GRIP1: variants seen among roughly 807,000 people sequenced by gnomAD.
The protein encoded by GRIP1 is glutamate receptor-interacting protein 1.
A neutral mutation model predicts 129.9 loss-of-function variants in GRIP1; 45 were observed. That is an observed-to-expected ratio of 0.35 (90% CI 0.27 to 0.44). GRIP1 has a LOEUF of 0.44. Ranked by LOEUF, GRIP1 falls within the 20% of genes least tolerant of loss-of-function variation. The pLI, the probability that GRIP1 is intolerant of heterozygous loss-of-function variation, is 1.00. For missense variants in GRIP1, 1,196 were observed against 1,396.8 expected (o/e 0.86, Z 2.29); for synonymous variants, 530 against 520.8 (o/e 1.02, Z -0.24).
chr12:66,360,656 G>A (rs1438971336), intron 23 of GRIP1, among the ~76,000 whole-genome samples: 1 of 152,194 alleles, frequency 6.6e-6, no homozygotes, highest in African/African-American at 2.4e-5. Context: ...GGTTCACCAT[G>A]ATTCACATTC....
At chr12:66,460,121 AC>A (rs1298203295) in intron 9 of GRIP1, among the ~76,000 whole-genome samples, 2 of 152,112 alleles carry the variant, frequency 1.3e-5, no homozygotes, top group African/African-American at 4.8e-5. Flanking sequence ...CTTGCTTAAG[AC>A]CCCACGTGGT....
At chr12:66,438,733 T>C (rs2058385715) in intron 13 of GRIP1, among the ~76,000 whole-genome samples, 1 of 152,110 alleles carries the variant, frequency 6.6e-6, no homozygotes, top group African/African-American at 2.4e-5. Flanking sequence ...TGACCTCAAG[T>C]AATCCACCCG....
At chr12:66,352,007 G>T (rs2054249534) in intron 24 of GRIP1, among the ~76,000 whole-genome samples, 1 of 152,214 alleles carries the variant, frequency 6.6e-6, no homozygotes, top group Non-Finnish European at 1.5e-5. Flanking sequence ...CTAGGGATTA[G>T]AAGAGCATTC....
chr12:67,028,427 T>G (rs553048855), intron 1 of GRIP1, among the ~76,000 whole-genome samples: 2 of 152,320 alleles, frequency 1.3e-5, no homozygotes, highest in African/African-American at 4.8e-5. Context: ...ATATTTTGGA[T>G]TGAATGGATA....
At chr12:66,888,580 C>T (rs1339000634) in intron 1 of GRIP1, among the ~76,000 whole-genome samples, 6 of 152,164 alleles carry the variant, frequency 3.9e-5, no homozygotes, top group Non-Finnish European at 8.8e-5. Flanking sequence ...CCAGGCTGGT[C>T]TCAAACTCCT....
Position 66,442,211 on chromosome 12 carries a change from C to A in GRIP1, c.1687+2373G>T, listed in dbSNP as rs993338996. Reference sequence around the variant, plus strand: ...ACACTGCATTAGTCGGTCTCTCTAACCCCTCTAACTCCATCACCAAATCCA... The same window carrying A: ...ACACTGCATTAGTCGGTCTCTCTAAACCCTCTAACTCCATCACCAAATCCA... On this transcript the variant is annotated intron_variant, in intron 13 of 24. Transcript: ENST00000359742. 3.3e-5 allele frequency among the ~76,000 whole-genome samples: 5 copies of A among 152,228 alleles called. No homozygotes were observed. In the East Asian group the frequency reaches 5.8e-4, roughly 18 times the overall value.
At chr12:66,446,661 G>T (rs2058639978) in intron 11 of GRIP1, among the ~76,000 whole-genome samples, 1 of 151,976 alleles carries the variant, frequency 6.6e-6, no homozygotes, top group Non-Finnish European at 1.5e-5. Context: ...TTCAGGACTT[G>T]CCTCTTAGTC....
chr12:66,834,532 T>G (rs533031168), intron 1 of GRIP1, among the ~76,000 whole-genome samples: 1 of 152,340 alleles, frequency 6.6e-6, no homozygotes, highest in African/African-American at 2.4e-5. Context: ...AATCCAAGTT[T>G]TACTTAAATA....
intron 1 of GRIP1, among the ~76,000 whole-genome samples, chr12:66,604,884 T>C (rs1328068560): frequency 2.0e-5 from 3 of 151,300 alleles, no homozygotes; most frequent in Non-Finnish European, 2.9e-5. Flanking sequence ...TTAACAGGTA[T>C]AAACTTGCTA....
chr12:66,557,653 T>C (rs1408939403), intron 2 of GRIP1, among the ~76,000 whole-genome samples: 1 of 152,098 alleles, frequency 6.6e-6, no homozygotes, highest in African/African-American at 2.4e-5. Flanking sequence ...TAGAAATCAG[T>C]AACAAGAGGA....
intron 7 of GRIP1, among the ~76,000 whole-genome samples, chr12:66,483,271 A>AC (rs773601168): frequency 6.6e-6 from 1 of 152,272 alleles, no homozygotes; most frequent in African/African-American, 2.4e-5. Flanking sequence ...AATAATTTCA[A>AC]CCCTTTTCAG....
intron 1 of GRIP1, among the ~76,000 whole-genome samples, chr12:66,985,246 G>A (rs1416359014): frequency 6.6e-6 from 1 of 151,712 alleles, no homozygotes; most frequent in Non-Finnish European, 1.5e-5. Context: ...AGTTCAAAGA[G>A]GAAAGGCATA....
chr12:66,699,502 C>G (rs2035277626), intron 1 of GRIP1, among the ~76,000 whole-genome samples: 1 of 152,060 alleles, frequency 6.6e-6, no homozygotes, highest in South Asian at 2.1e-4. Context: ...GGGGTTTCCC[C>G]TTTTACTCTT....
chr12:66,917,475 AT>A (rs1301577384), intron 1 of GRIP1, among the ~76,000 whole-genome samples: 1 of 152,232 alleles, frequency 6.6e-6, no homozygotes, highest in Non-Finnish European at 1.5e-5. Flanking sequence ...TGGGAAAACT[AT>A]GCCACAATGT....
chr12:66,560,905 A>G (rs1234480040), intron 2 of GRIP1, among the ~76,000 whole-genome samples: 1 of 152,186 alleles, frequency 6.6e-6, no homozygotes, highest in Non-Finnish European at 1.5e-5. Flanking sequence ...TTGCAGCACT[A>G]TGTACAACAA....
At chr12:66,895,261 G>T (rs1402698154) in intron 1 of GRIP1, among the ~76,000 whole-genome samples, 1 of 152,072 alleles carries the variant, frequency 6.6e-6, no homozygotes, top group African/African-American at 2.4e-5. Flanking sequence ...CAAGGGGGTG[G>T]GTTTTTCCCA....
intron 1 of GRIP1, among the ~76,000 whole-genome samples, chr12:66,896,193 A>G (rs1211446900): frequency 6.6e-6 from 1 of 152,160 alleles, no homozygotes; most frequent in Non-Finnish European, 1.5e-5. Context: ...CTGTGATGGG[A>G]TGACTGGAGG....
At chr12:66,868,821 T>C (rs756928211) in intron 1 of GRIP1, among the ~76,000 whole-genome samples, 2 of 151,964 alleles carry the variant, frequency 1.3e-5, no homozygotes, top group African/African-American at 4.8e-5. Context: ...CCAGGAGTGG[T>C]TGGAATACAC....
intron 14 of GRIP1, among the ~76,000 whole-genome samples, chr12:66,423,557 T>C (rs1248257799): frequency 1.3e-5 from 2 of 152,210 alleles, no homozygotes; most frequent in African/African-American, 2.4e-5. Context: ...TGGAATTTGA[T>C]TGGAGTTCTC....
Sources: gnomAD v4.1 joint callset for allele counts (sites outside exome capture counted in the v4.1 genomes callset) on GRCh38, gnomAD v4.1.1 for gene constraint, MANE v1.5 for transcripts, NCBI Gene and HGNC (gene_info 2026-07-23, HGNC 2026-07-21) for gene names.